Variants in TBC1D5 observed in about 807,000 individuals in gnomAD.
TBC1D5 encodes TBC1 domain family, member 5.
TBC1D5 carries 75 observed loss-of-function variants against 100.3 expected under a neutral mutation model. That is an observed-to-expected ratio of 0.75 (90% CI 0.62 to 0.91). TBC1D5 has a LOEUF of 0.91. TBC1D5 is among the 40% of genes least tolerant of loss of function. TBC1D5 has a pLI of 0.00. For synonymous variants in TBC1D5, 323 were observed against 325.6 expected (o/e 0.99, Z 0.09); for missense variants, 910 against 942.4 (o/e 0.97, Z 0.45).
intron 2 of TBC1D5, among the ~76,000 whole-genome samples, chr3:17,532,429 G>C (rs912329704): frequency 1.3e-5 from 2 of 152,142 alleles, no homozygotes. Context: ...TCAGTGTGGC[G>C]ATTCCTCAGG....
At chr3:17,268,449 T>C (rs1043589248) in intron 15 of TBC1D5, among the ~76,000 whole-genome samples, 12 of 151,298 alleles carry the variant, frequency 7.9e-5, no homozygotes, top group Admixed American at 2.6e-4. Flanking sequence ...TATCGGGTAA[T>C]AAAGAAAATA....
chr3:17,667,935 T>G (rs530574320), intron 1 of TBC1D5, among the ~76,000 whole-genome samples: 2 of 151,736 alleles, frequency 1.3e-5, no homozygotes, highest in African/African-American at 2.4e-5. Context: ...TATTTTAAGA[T>G]TAACGCATTT....
chr3:17,494,373 T>C (rs945861476), intron 3 of TBC1D5, among the ~76,000 whole-genome samples: 4 of 152,114 alleles, frequency 2.6e-5, no homozygotes, highest in African/African-American at 9.7e-5. Flanking sequence ...TGTTGGAAGG[T>C]GTCACCCAGT....
At chr3:17,732,113 T>C (rs576086005) in intron 1 of TBC1D5, among the ~76,000 whole-genome samples, 1 of 151,608 alleles carries the variant, frequency 6.6e-6, no homozygotes, top group East Asian at 2.0e-4. Flanking sequence ...AGGTCAGGAG[T>C]TAGAAACCAG....
chr3:17,641,418 G>GA (rs1404143069), intron 1 of TBC1D5, among the ~76,000 whole-genome samples: 2 of 151,632 alleles, frequency 1.3e-5, no homozygotes, highest in African/African-American at 4.8e-5. Flanking sequence ...AAGATTTTGG[G>GA]AAAAAAAATT....
intron 15 of TBC1D5, among the ~76,000 whole-genome samples, chr3:17,267,101 C>T (rs1474703918): frequency 6.6e-6 from 1 of 152,006 alleles, no homozygotes; most frequent in Non-Finnish European, 1.5e-5. Flanking sequence ...ACCACCTGTG[C>T]GTTATGCTCG....
chr3:17,309,190 CA>C (rs889009737), intron 13 of TBC1D5, among the ~76,000 whole-genome samples: 8 of 150,246 alleles, frequency 5.3e-5, no homozygotes, highest in African/African-American at 1.5e-4. Context: ...TAAAGCAAGG[CA>C]AAAAAAATTC....
intron 1 of TBC1D5, among the ~76,000 whole-genome samples, chr3:17,695,407 C>A (rs1304738790): frequency 1.3e-5 from 2 of 151,948 alleles, no homozygotes; most frequent in Non-Finnish European, 2.9e-5. Flanking sequence ...GGAAGATCTA[C>A]CAAGCAAATG....
In TBC1D5 at chr3:17,706,157, G is replaced by A. The variant is rs1263183710; in HGVS notation, c.-101+33186C>T. On this transcript the variant is annotated intron_variant, in intron 1 of 21. Coordinates refer to ENST00000253692, the Ensembl canonical transcript of TBC1D5. ...TGAGGCAAAGGCTGCAGTTGATGGG[G>A]GAGACATCGGCAGGCAGCCGCTCGA... 1.0e-5 allele frequency: 16 copies of A among 1,583,298 alleles called. No individual in the cohort carries two copies. The East Asian group carries it at 3.5e-4, about 35-fold the overall frequency.
chr3:17,193,625 T>C (rs1038895510), intron 18 of TBC1D5, among the ~76,000 whole-genome samples: 2 of 152,218 alleles, frequency 1.3e-5, no homozygotes, highest in African/African-American at 4.8e-5. Context: ...AAGATCTTCA[T>C]TTCTTACCCC....
intron 4 of TBC1D5, among the ~76,000 whole-genome samples, chr3:17,416,941 A>G (rs146128798): frequency 2.1e-3 from 313 of 152,338 alleles, no homozygotes; most frequent in African/African-American, 7.2e-3. Flanking sequence ...CCTGGAAGGG[A>G]CAATTTAAAA....
chr3:17,449,790 C>A (rs989486082), intron 3 of TBC1D5, among the ~76,000 whole-genome samples: 1 of 152,292 alleles, frequency 6.6e-6, no homozygotes, highest in Non-Finnish European at 1.5e-5. Flanking sequence ...GGGGAAGGGG[C>A]GGCTGTGGGA....
intron 3 of TBC1D5, among the ~76,000 whole-genome samples, chr3:17,437,868 T>C (rs921316190): frequency 5.3e-5 from 8 of 152,302 alleles, no homozygotes; most frequent in African/African-American, 1.7e-4. Flanking sequence ...TATCTTATTA[T>C]AGAAGGCAAT....
At chr3:17,739,356 T>C (rs1220677116) in exon 1 of TBC1D5, 1 of 152,178 alleles carries the variant, frequency 6.6e-6, no homozygotes, top group Non-Finnish European at 1.5e-5. Flanking sequence ...TATTCCGGGG[T>C]TGTCCTTCTT....
chr3:17,381,982 C>T (rs1296554326), intron 9 of TBC1D5, among the ~76,000 whole-genome samples: 1 of 152,026 alleles, frequency 6.6e-6, no homozygotes, highest in African/African-American at 2.4e-5. Flanking sequence ...GACTGTTTCA[C>T]TGAACAATGG....
intron 16 of TBC1D5, among the ~76,000 whole-genome samples, chr3:17,252,702 T>C (rs1463702158): frequency 6.6e-6 from 1 of 152,224 alleles, no homozygotes; most frequent in Non-Finnish European, 1.5e-5. Context: ...TCTCAAGGGC[T>C]GGCCTAAGCA....
chr3:17,196,515 G>C (rs1559389049), intron 18 of TBC1D5, among the ~76,000 whole-genome samples: 3 of 152,186 alleles, frequency 2.0e-5, no homozygotes, highest in Non-Finnish European at 1.5e-5. Context: ...TGATAAGGCT[G>C]AACAGGGTGA....
chr3:17,252,687 GCTCCT>G (rs1264331795), intron 16 of TBC1D5, among the ~76,000 whole-genome samples: 2 of 152,164 alleles, frequency 1.3e-5, no homozygotes, highest in Non-Finnish European at 2.9e-5. Context: ...GCTTAGGAGT[GCTCCT>G]CTCAAGGGCT....
intron 13 of TBC1D5, among the ~76,000 whole-genome samples, chr3:17,332,605 A>C (rs569953677): frequency 6.6e-6 from 1 of 152,088 alleles, no homozygotes; most frequent in Non-Finnish European, 1.5e-5. Flanking sequence ...GCCAACATTT[A>C]GGAGCCAGGA....
Sources: allele counts gnomAD v4.1 joint callset (sites outside exome capture counted in the v4.1 genomes callset), GRCh38; gene constraint gnomAD v4.1.1; transcripts MANE v1.5; gene names NCBI Gene and HGNC (gene_info 2026-07-23, HGNC 2026-07-21).